Variants in SEC63 observed in about 807,000 individuals in gnomAD.
The protein encoded by SEC63 is SEC63 protein translocation regulator.
SEC63 carries 56 observed loss-of-function variants against 116.2 expected under a neutral mutation model. The ratio of observed to expected loss-of-function variants is 0.48; its 90% CI spans 0.39 to 0.60. SEC63 has a LOEUF of 0.60. SEC63 is among the 20% of genes least tolerant of loss of function. The probability of loss-of-function intolerance (pLI) is 0.00; values close to 1 mark genes in which losing one functional copy is unlikely to be tolerated. For missense variants in SEC63, 668 were observed against 900.0 expected (o/e 0.74, Z 3.30); for synonymous variants, 273 against 294.6 (o/e 0.93, Z 0.75).
chr6:107,918,239 C>T (rs1412823940), intron 4 of SEC63, among the ~76,000 whole-genome samples: 1 of 53,538 alleles, frequency 1.9e-5, no homozygotes, highest in Non-Finnish European at 3.8e-5. Flanking sequence ...ACTGTTGAGA[C>T]CTGCTCAAAA....
intron 16 of SEC63, among the ~76,000 whole-genome samples, chr6:107,888,593 T>C (rs995182928): frequency 6.6e-6 from 1 of 152,202 alleles, no homozygotes; most frequent in Non-Finnish European, 1.5e-5. Context: ...TTTCTTTCTC[T>C]TGCCTGACTG....
chr6:107,938,936 T>C (rs1198530432), intron 1 of SEC63, among the ~76,000 whole-genome samples: 2 of 152,160 alleles, frequency 1.3e-5, no homozygotes, highest in African/African-American at 2.4e-5. Flanking sequence ...GACTATAAAG[T>C]TTTTCCCAAT....
intron 12 of SEC63, among the ~76,000 whole-genome samples, chr6:107,902,447 T>C (rs1265918876): frequency 6.6e-6 from 1 of 152,178 alleles, no homozygotes; most frequent in Non-Finnish European, 1.5e-5. Flanking sequence ...AGATTATATA[T>C]TCTAAATAAG....
At position 107,893,532 on chromosome 6, in the gene SEC63, G is replaced by A; in HGVS notation, c.1624C>T (p.Pro542Ser). Residue 542 changes from proline to serine, a missense_variant, in exon 16 of 21, where the codon CCA (proline) becomes TCA (serine). Transcript: ENST00000369002. ...TTTTGTTTCTGTTGCTTTGACTGTG[G>A]TAATAGCACAGGTGTAGGTTTTTTT... Reference protein sequence around the residue: ...LKKKPTPVLLPQSKQQKQKQA... With the variant: ...LKKKPTPVLLSQSKQQKQKQA... 1 of 1,613,016 alleles carries A rather than the reference G, an allele frequency of 6.2e-7. No homozygotes were observed. The highest frequency in any genetic ancestry group is 1.1e-5 in the South Asian group (1 of 90,922).
At chr6:107,915,696 G>T (rs1212251563) in intron 4 of SEC63, among the ~76,000 whole-genome samples, 1 of 152,026 alleles carries the variant, frequency 6.6e-6, no homozygotes, top group Non-Finnish European at 1.5e-5. Context: ...AGAGAAAAAT[G>T]ATCTCAAATA....
chr6:107,893,012 C>T (rs568411083), intron 16 of SEC63, among the ~76,000 whole-genome samples: 1 of 152,040 alleles, frequency 6.6e-6, no homozygotes, highest in Non-Finnish European at 1.5e-5. Flanking sequence ...AAGCATAGCA[C>T]CCTTTATTCA....
intron 11 of SEC63, among the ~76,000 whole-genome samples, chr6:107,903,466 T>TGAAGTGGG (rs1317344469): frequency 6.6e-6 from 1 of 151,424 alleles, no homozygotes; most frequent in Non-Finnish European, 1.5e-5. Context: ...TTTGGGAAGC[T>TGAAGTGGG]GAAGTGGGAG....
At position 107,912,789 on chromosome 6, in the gene SEC63, A is replaced by T. The variant is rs1312088380; in HGVS notation, c.515-15T>A. ...AAAGCTTGTGGCTGAAATAGAAAAA[A>T]TATCAGTTTCTGAAGAATCTCTACT... On this transcript the variant is annotated splice_polypyrimidine_tract_variant and intron_variant, in intron 5 of 20. Transcript: ENST00000369002. 3 of 1,598,564 alleles carry T rather than the reference A, an allele frequency of 1.9e-6. No individual in the cohort carries two copies. The highest frequency in any genetic ancestry group is 2.6e-6 in the Non-Finnish European group (3 of 1,166,720).
chr6:107,899,388 A>T (rs1048373321), intron 13 of SEC63, among the ~76,000 whole-genome samples: 2 of 152,202 alleles, frequency 1.3e-5, no homozygotes, highest in African/African-American at 4.8e-5. Flanking sequence ...ACTTTCTATA[A>T]GAAAATCTCT....
intron 4 of SEC63, among the ~76,000 whole-genome samples, chr6:107,921,477 G>A (rs1267922421): frequency 1.3e-5 from 2 of 150,274 alleles, no homozygotes; most frequent in African/African-American, 2.5e-5. Flanking sequence ...CTTTAGAGAT[G>A]GAGTATTACT....
intron 1 of SEC63, among the ~76,000 whole-genome samples, chr6:107,946,456 C>G (rs1166249398): frequency 6.6e-6 from 1 of 151,118 alleles, no homozygotes; most frequent in Non-Finnish European, 1.5e-5. Flanking sequence ...TGCCCGCCTT[C>G]AGCCTCCCAA....
chr6:107,939,695 C>T (rs1770332175), intron 1 of SEC63, among the ~76,000 whole-genome samples: 1 of 151,930 alleles, frequency 6.6e-6, no homozygotes, highest in Admixed American at 6.6e-5. Flanking sequence ...AAGATCACGC[C>T]ACTGCACTCC....
intron 4 of SEC63, among the ~76,000 whole-genome samples, chr6:107,917,194 C>A (rs1308504168): frequency 1.3e-5 from 2 of 152,234 alleles, no homozygotes; most frequent in Admixed American, 6.5e-5. Context: ...CAACCTATTC[C>A]TTTAATTCGG....
chr6:107,923,741 A>C (rs529385904), intron 3 of SEC63, among the ~76,000 whole-genome samples: 1 of 150,770 alleles, frequency 6.6e-6, no homozygotes, highest in African/African-American at 2.4e-5. Context: ...ATGTTGCCCA[A>C]ACTCCTGACC....
intron 1 of SEC63, among the ~76,000 whole-genome samples, chr6:107,940,654 CAGACGGTACATG>C (rs372271977): frequency 8.5e-5 from 13 of 152,160 alleles, no homozygotes; most frequent in Admixed American, 4.6e-4. Flanking sequence ...CACACAGCTA[CAGACGGTACATG>C]AAAAGCAAGT....
chr6:107,894,103 A>C (rs965157185), intron 14 of SEC63, among the ~76,000 whole-genome samples: 8 of 152,248 alleles, frequency 5.3e-5, no homozygotes, highest in Non-Finnish European at 1.2e-4. Flanking sequence ...TCTGTCTTGA[A>C]CAAGTTTTGA....
chr6:107,913,786 CTCATA>C (rs1787339100), intron 4 of SEC63, among the ~76,000 whole-genome samples: 1 of 152,122 alleles, frequency 6.6e-6, no homozygotes, highest in Admixed American at 6.5e-5. Context: ...CCCTTATACT[CTCATA>C]TATTTTCCAA....
chr6:107,934,075 C>T (rs7763004), intron 1 of SEC63, among the ~76,000 whole-genome samples: 1 of 152,156 alleles, frequency 6.6e-6, no homozygotes, highest in Admixed American at 6.5e-5. Context: ...TCGCTACAAC[C>T]TCCACCTCCC....
rs1232663203 is a variant in SEC63 at position 107,904,744 on chromosome 6, A to T, written c.962-23T>A. The T allele has an allele frequency of 5.2e-6, 8 of 1,530,484 alleles. No homozygotes were observed. In the Admixed American group the frequency reaches 6.7e-5, roughly 13 times the overall value. The allele number at this position is 1,530,484 out of a possible 1,614,324, so 94.8% of individuals were successfully genotyped here. A position where few individuals can be genotyped will look rare whatever the true frequency, so the allele number is the denominator to read the frequency against. The stretch of plus-strand genomic sequence containing the variant: ...GATCTGCAAAACAATAAAAAACCTG[A>T]AACAGATCATTTTAATTTTACAGTT... On this transcript the variant is annotated intron_variant, in intron 10 of 20. Coordinates refer to ENST00000369002, the MANE Select transcript of SEC63 (RefSeq NM_007214.5).
Sources: allele counts gnomAD v4.1 joint callset (sites outside exome capture counted in the v4.1 genomes callset), GRCh38; gene constraint gnomAD v4.1.1; transcripts MANE v1.5; gene names NCBI Gene and HGNC (gene_info 2026-07-23, HGNC 2026-07-21).